Variants in EPHA5 observed in about 807,000 individuals in gnomAD.
EPHA5 encodes the protein EPH receptor A5, also known as ephrin type-A receptor 5.
Under a neutral mutation model 105.0 loss-of-function variants are expected in EPHA5, and 60 were observed. The observed-to-expected ratio is 0.57, with a 90% CI of 0.46 to 0.71. The LOEUF is 0.71. EPHA5 is among the 30% of genes least tolerant of loss of function. EPHA5 has a pLI of 0.00. For synonymous variants in EPHA5, 513 were observed against 449.1 expected, an observed-to-expected ratio of 1.14 and a Z score of -1.80; for missense variants, 1,218 against 1,274.7, an observed-to-expected ratio of 0.96 and a Z score of 0.68.
chr4:65,603,492 G>A (rs748361412), intron 2 of EPHA5, among the ~76,000 whole-genome samples: 4 of 152,010 alleles, frequency 2.6e-5, no homozygotes, highest in Non-Finnish European at 5.9e-5. Context: ...AAACTTCATA[G>A]ACACTCATTT....
intron 3 of EPHA5, among the ~76,000 whole-genome samples, chr4:65,588,594 T>G (rs947664229): frequency 7.9e-5 from 12 of 152,178 alleles, no homozygotes; most frequent in African/African-American, 2.4e-4. Context: ...GCTTCCTGAA[T>G]GCTTAATTTC....
At chr4:65,333,530 AGTGTGTGTCTGTGTGTGTGTGTGTGTGT>A (rs1383690809) in intron 15 of EPHA5, among the ~76,000 whole-genome samples, 44 of 122,606 alleles carry the variant, frequency 3.6e-4, no homozygotes, top group Admixed American at 4.3e-4. Flanking sequence ...TGCGTGTGAG[AGTGTGTGTCTGTGTGTGTGTGTGTGTGT>A]GTGTGTGTGT....
At chr4:65,371,115 AT>A (rs1316257414) in intron 8 of EPHA5, among the ~76,000 whole-genome samples, 1 of 151,972 alleles carries the variant, frequency 6.6e-6, no homozygotes, top group Non-Finnish European at 1.5e-5. Context: ...AAAATAAACT[AT>A]TTTTTTAAAT....
chr4:65,555,357 C>A lies in EPHA5; in HGVS notation c.910+46284G>T, dbSNP rs139576144. Among the ~76,000 whole-genome samples, 49 of 152,018 alleles carry A rather than the reference C, an allele frequency of 3.2e-4. No individual in the cohort carries two copies. In the East Asian group the frequency reaches 7.5e-3, roughly 23 times the overall value. ...GAAAATCGTGATTTTAAATATGTAG[C>A]CTGATTTCAAATCCTAAATTTACCT... On this transcript the variant is annotated intron_variant, in intron 3 of 16. Coordinates refer to ENST00000613740, the MANE Select transcript of EPHA5 (RefSeq NM_001281766.3).
chr4:65,389,793 C>T (rs1274383230), intron 8 of EPHA5, among the ~76,000 whole-genome samples: 1 of 151,978 alleles, frequency 6.6e-6, no homozygotes, highest in Non-Finnish European at 1.5e-5. Flanking sequence ...CTATTTGAAT[C>T]TATGGAATTA....
chr4:65,623,561 G>C (rs1048597485), intron 2 of EPHA5, among the ~76,000 whole-genome samples: 1 of 152,102 alleles, frequency 6.6e-6, no homozygotes, highest in Non-Finnish European at 1.5e-5. Context: ...GCTATGAGGA[G>C]ATACAGTGTT....
chr4:65,594,984 G>A (rs1743024081), intron 3 of EPHA5, among the ~76,000 whole-genome samples: 1 of 151,860 alleles, frequency 6.6e-6, no homozygotes, highest in Non-Finnish European at 1.5e-5. Flanking sequence ...ATTTTTATAA[G>A]CAAATACATT....
At chr4:65,440,800 G>T (rs1451486959) in intron 5 of EPHA5, among the ~76,000 whole-genome samples, 1 of 152,012 alleles carries the variant, frequency 6.6e-6, no homozygotes, top group Non-Finnish European at 1.5e-5. Context: ...GAAAAGCCTT[G>T]TCTCCGGAGC....
rs1719066474 is a variant in EPHA5 at position 65,376,926 on chromosome 4, A to T, written c.1794-9502T>A. ...TACTCAAATGTACACAAATGGAGAA[A>T]GAAAAGGAATGCCGACGGTAATACA... On this transcript the variant is annotated intron_variant, in intron 8 of 16. Coordinates refer to ENST00000613740, the MANE Select transcript of EPHA5 (RefSeq NM_001281766.3). 1.5e-6 allele frequency: 2 copies of T among 1,351,718 alleles called. 1 individual carries two copies. The highest frequency in any genetic ancestry group is 2.0e-6 in the Non-Finnish European group (2 of 1,007,432). The allele number at this position is 1,351,718 out of a possible 1,614,324, so 83.7% of individuals were successfully genotyped here.
At chr4:65,555,819 G>A (rs1160419261) in intron 3 of EPHA5, among the ~76,000 whole-genome samples, 1 of 140,956 alleles carries the variant, frequency 7.1e-6, no homozygotes, top group Non-Finnish European at 1.5e-5. Flanking sequence ...ATAACATTCA[G>A]GAGATAATAT....
intron 6 of EPHA5, among the ~76,000 whole-genome samples, chr4:65,414,805 A>C (rs1723239227): frequency 1.3e-5 from 2 of 152,118 alleles, no homozygotes; most frequent in South Asian, 4.1e-4. Flanking sequence ...AGTTAATCGG[A>C]GCATGTCTAA....
chr4:65,482,368 C>G (rs1730460281), intron 5 of EPHA5, among the ~76,000 whole-genome samples: 1 of 151,286 alleles, frequency 6.6e-6, no homozygotes, highest in African/African-American at 2.4e-5. Context: ...ACTTTCTTCA[C>G]TATAACAATA....
At chr4:65,585,213 C>A (rs919869843) in intron 3 of EPHA5, among the ~76,000 whole-genome samples, 1 of 150,196 alleles carries the variant, frequency 6.7e-6, no homozygotes, top group South Asian at 2.1e-4. Context: ...ATAGAATTTG[C>A]TATAAATGAA....
At chr4:65,632,535 CAAA>C (rs35050180) in intron 2 of EPHA5, among the ~76,000 whole-genome samples, 6 of 125,864 alleles carry the variant, frequency 4.8e-5, no homozygotes, top group Admixed American at 8.5e-5. Flanking sequence ...CAATTTTCAG[CAAA>C]AAAAAAAAAA....
intron 1 of EPHA5, among the ~76,000 whole-genome samples, chr4:65,669,050 C>G (rs567841062): frequency 6.6e-6 from 1 of 152,038 alleles, no homozygotes; most frequent in Non-Finnish European, 1.5e-5. Flanking sequence ...CAGCTCCCAG[C>G]AGGCACTTTC....
chr4:65,489,292 C>T (rs1433189026), intron 5 of EPHA5, among the ~76,000 whole-genome samples: 1 of 152,138 alleles, frequency 6.6e-6, no homozygotes, highest in African/African-American at 2.4e-5. Flanking sequence ...GACTTTGTAA[C>T]CAACAGCATT....
chr4:65,328,639 A>G (rs1560414112), intron 16 of EPHA5, among the ~76,000 whole-genome samples: 1 of 59,096 alleles, frequency 1.7e-5, no homozygotes, highest in Non-Finnish European at 4.1e-5. Context: ...ATGCAGTTGT[A>G]TGTTTGTCAT....
At chr4:65,504,494 C>T (rs1160938346) in intron 3 of EPHA5, among the ~76,000 whole-genome samples, 1 of 151,592 alleles carries the variant, frequency 6.6e-6, no homozygotes, top group Non-Finnish European at 1.5e-5. Flanking sequence ...AATAATGTAG[C>T]CTCCTAAGAT....
chr4:65,617,060 G>T (rs1745306155), intron 2 of EPHA5, among the ~76,000 whole-genome samples: 1 of 151,948 alleles, frequency 6.6e-6, no homozygotes, highest in African/African-American at 2.4e-5. Flanking sequence ...TAACTCTTTT[G>T]TTAATAACAC....
Sources: gnomAD v4.1 joint callset for allele counts (sites outside exome capture counted in the v4.1 genomes callset) on GRCh38, gnomAD v4.1.1 for gene constraint, MANE v1.5 for transcripts, NCBI Gene and HGNC (gene_info 2026-07-23, HGNC 2026-07-21) for gene names.